SLC5A4: variants seen among roughly 807,000 people sequenced by gnomAD.
SLC5A4 encodes solute carrier family 5 member 4.
Under a neutral mutation model 70.3 loss-of-function variants are expected in SLC5A4, and 55 were observed. The ratio of observed to expected loss-of-function variants is 0.78; its 90% CI spans 0.63 to 0.98. The LOEUF (loss-of-function observed/expected upper bound fraction) is 0.98. Among genes scored for constraint, SLC5A4 ranks in the 50% least tolerant of loss-of-function variants. SLC5A4 has a pLI of 0.00. For missense variants in SLC5A4, 735 were observed against 839.2 expected (o/e 0.88, Z 1.53); for synonymous variants, 268 against 305.7 (o/e 0.88, Z 1.29).
Position 32,221,034 on chromosome 22 carries a change from C to G in SLC5A4, c.1666-12G>C, listed in dbSNP as rs750892828. 1.6e-5 allele frequency: 25 copies of G among 1,586,634 alleles called. 1 individual carries two copies. Among genetic ancestry groups the G allele is most frequent in the African/African-American group, 4.0e-5 (3 of 74,238 alleles). On this transcript the variant is annotated splice_polypyrimidine_tract_variant and intron_variant, in intron 13 of 14. Transcript: ENST00000266086. ...CACAGGCGGTACAGCTGAACAGGGA[C>G]CATACAAAAGTGCATTAGTAATAGG... is the stretch of plus-strand genomic sequence containing the variant.
chr22:32,305,002 C>T, the SLC5A4 span, among the ~76,000 whole-genome samples: 70 of 152,208 alleles, frequency 4.6e-4, no homozygotes, highest in African/African-American at 1.5e-3. Context: ...CATTCTGTTG[C>T]TTTTGCTCCT....
the SLC5A4 span, among the ~76,000 whole-genome samples, chr22:32,346,662 T>C: frequency 7.3e-6 from 1 of 136,300 alleles, no homozygotes; most frequent in Non-Finnish European, 1.5e-5. Flanking sequence ...TGTAGAAAGC[T>C]GAAACTGGAT....
intron 5 of SLC5A4, among the ~76,000 whole-genome samples, chr22:32,239,521 TA>T (rs1926268233): frequency 1.3e-3 from 7 of 5,368 alleles, no homozygotes; most frequent in South Asian, 5.3e-3. Flanking sequence ...GTGCATATTA[TA>T]TATATATATA....
the SLC5A4 span, among the ~76,000 whole-genome samples, chr22:32,338,961 CG>C: frequency 2.6e-5 from 4 of 152,106 alleles, no homozygotes; most frequent in African/African-American, 9.7e-5. Flanking sequence ...GTGTTGTCAT[CG>C]TATTACTAAA....
At chr22:32,298,871 A>G in the SLC5A4 span, among the ~76,000 whole-genome samples, 2 of 106,090 alleles carry the variant, frequency 1.9e-5, no homozygotes, top group African/African-American at 3.6e-5. Context: ...ATCTCTCAGC[A>G]TTTGCTTGTC....
At chr22:32,333,205 C>CA in the SLC5A4 span, among the ~76,000 whole-genome samples, 104 of 149,086 alleles carry the variant, frequency 7.0e-4, no homozygotes, top group Non-Finnish European at 6.4e-4. Flanking sequence ...CACCCCCCCC[C>CA]CAGAAGACTC....
the SLC5A4 span, among the ~76,000 whole-genome samples, chr22:32,338,333 G>A: frequency 6.6e-6 from 1 of 152,132 alleles, no homozygotes; most frequent in Non-Finnish European, 1.5e-5. Flanking sequence ...AATGAAAGTG[G>A]TTTATCTCAA....
the SLC5A4 span, among the ~76,000 whole-genome samples, chr22:32,335,404 A>G: frequency 2.0e-5 from 3 of 152,180 alleles, no homozygotes; most frequent in Non-Finnish European, 4.4e-5. Context: ...ATGAGGGGTA[A>G]GTGAAGGAGG....
the SLC5A4 span, among the ~76,000 whole-genome samples, chr22:32,310,429 A>T: frequency 6.6e-6 from 1 of 152,162 alleles, no homozygotes. Context: ...CTGCCTTCCA[A>T]GGCACTGCAC....
intron 5 of SLC5A4, among the ~76,000 whole-genome samples, chr22:32,247,168 G>A (rs2145693562): frequency 6.6e-6 from 1 of 152,216 alleles, no homozygotes; most frequent in East Asian, 1.9e-4. Context: ...TTGATGAGAG[G>A]GGAGATTTAT....
chr22:32,271,715 A>C, the SLC5A4 span: 2 of 577,798 alleles, frequency 3.5e-6, no homozygotes, highest in Admixed American at 2.5e-5. Context: ...TGGCCCTGTC[A>C]ACTCTTTCGC....
chr22:32,312,170 T>A, the SLC5A4 span, among the ~76,000 whole-genome samples: 1 of 151,934 alleles, frequency 6.6e-6, no homozygotes, highest in Non-Finnish European at 1.5e-5. Context: ...TGACTGGCAT[T>A]TTCAAATCCC....
intron 13 of SLC5A4, among the ~76,000 whole-genome samples, chr22:32,222,338 T>C (rs1925136651): frequency 6.6e-6 from 1 of 152,198 alleles, no homozygotes; most frequent in Non-Finnish European, 1.5e-5. Context: ...ATTTCTAGTT[T>C]TGCTGAAAGA....
chr22:32,288,086 G>T, the SLC5A4 span, among the ~76,000 whole-genome samples: 1 of 151,188 alleles, frequency 6.6e-6, no homozygotes, highest in African/African-American at 2.4e-5. Context: ...CTGACCTCAG[G>T]TGATCCACCT....
the SLC5A4 span, among the ~76,000 whole-genome samples, chr22:32,309,427 AAAGT>A: frequency 7.9e-4 from 120 of 152,260 alleles, no homozygotes; most frequent in Non-Finnish European, 1.6e-3. Flanking sequence ...CTCACAGCAA[AAAGT>A]AAGAGTAGGC....
chr22:32,258,191 G>A (rs983438988), upstream of SLC5A4, among the ~76,000 whole-genome samples: 1 of 151,712 alleles, frequency 6.6e-6, no homozygotes, highest in East Asian at 1.9e-4. Flanking sequence ...GTTGTGTCAT[G>A]TTGGCCAGGC....
the SLC5A4 span, among the ~76,000 whole-genome samples, chr22:32,350,906 TAA>T: frequency 1.6e-4 from 22 of 140,054 alleles, no homozygotes; most frequent in African/African-American, 3.1e-4. Flanking sequence ...GAGAAATCAG[TAA>T]AAAAAAAAAA....
the SLC5A4 span, among the ~76,000 whole-genome samples, chr22:32,299,320 A>G: frequency 4.0e-5 from 6 of 151,086 alleles, no homozygotes; most frequent in East Asian, 1.2e-3. Flanking sequence ...GTCTTTTCAC[A>G]TAGTCCCATA....
At chr22:32,299,769 T>C in the SLC5A4 span, among the ~76,000 whole-genome samples, 1 of 124,572 alleles carries the variant, frequency 8.0e-6, no homozygotes, top group Non-Finnish European at 1.7e-5. Flanking sequence ...TTCTGTTTTT[T>C]CCCCATCTTT....
Sources: gnomAD v4.1 joint callset for allele counts (sites outside exome capture counted in the v4.1 genomes callset) on GRCh38, gnomAD v4.1.1 for gene constraint, MANE v1.5 for transcripts, NCBI Gene and HGNC (gene_info 2026-07-23, HGNC 2026-07-21) for gene names.